Variants in PDLIM4 observed in about 807,000 individuals in gnomAD.
The protein encoded by PDLIM4 is PDZ and LIM domain protein 4.
PDLIM4 carries 19 observed loss-of-function variants against 31.3 expected under a neutral mutation model. The observed-to-expected ratio is 0.61, with a 90% CI of 0.42 to 0.89. The LOEUF (loss-of-function observed/expected upper bound fraction) is 0.89. PDLIM4 is among the 40% of genes least tolerant of loss of function. The pLI is 0.00. For synonymous variants in PDLIM4, 176 were observed against 190.1 expected (o/e 0.93, Z 0.61); for missense variants, 442 against 461.1 (o/e 0.96, Z 0.38).
rs1050744 is a variant in PDLIM4, at chr5:132,272,257, C to T, written c.*28C>T. On this transcript the variant is annotated 3_prime_UTR_variant, in exon 7 of 7. Transcript: ENST00000253754. ...TGGGACCCTGCTCCCACGCCTGCTT[C>T]TTAAGGTCCCTGCTCGGCCGGTGTA... is the stretch of plus-strand genomic sequence containing the variant. The T allele has an allele frequency of 2.6e-6, 4 of 1,557,294 alleles. No individual in the cohort carries two copies. Among genetic ancestry groups the T allele is most frequent in the Non-Finnish European group, 3.5e-6 (4 of 1,129,006 alleles).
At chr5:132,270,770 TGAGCACCACAGGCCA>T in intron 3 of PDLIM4, 130 bp from the exon 4 acceptor site, 1 of 714,788 alleles carries the variant, frequency 1.4e-6, no homozygotes, top group Non-Finnish European at 2.5e-6. Context: ...CTTCCCTGGC[TGAGCACCACAGGCCA>T]GAGATGCCGA....
At chr5:132,269,831 G>C (rs182321297) in intron 3 of PDLIM4, among the ~76,000 whole-genome samples, 36 of 152,290 alleles carry the variant, frequency 2.4e-4, no homozygotes, top group African/African-American at 8.7e-4. Context: ...CCTAAAATCA[G>C]GCTGCTCTGG....
chr5:132,266,716 C>T, intron 3 of PDLIM4, 171 bp downstream of exon 3: 1 of 500,162 alleles, frequency 2.0e-6, no homozygotes, highest in South Asian at 3.3e-5. Flanking sequence ...TCCCATGTTC[C>T]TCAGATGATG....
At chr5:132,259,795 C>T (rs947042459) in intron 1 of PDLIM4, among the ~76,000 whole-genome samples, 2 of 152,140 alleles carry the variant, frequency 1.3e-5, no homozygotes, top group African/African-American at 2.4e-5. Flanking sequence ...AATCTCAGCC[C>T]ATGAAGCCTC....
At chr5:132,259,730 A>G (rs2126669907) in intron 1 of PDLIM4, among the ~76,000 whole-genome samples, 1 of 152,260 alleles carries the variant, frequency 6.6e-6, no homozygotes, top group Non-Finnish European at 1.5e-5. Flanking sequence ...GTAGGGAGGG[A>G]CAGCCTCACA....
intron 2 of PDLIM4, among the ~76,000 whole-genome samples, chr5:132,264,995 A>G (rs528392810): frequency 1.3e-5 from 2 of 152,240 alleles, no homozygotes; most frequent in African/African-American, 4.8e-5. Context: ...AAAGCCAGGC[A>G]TCCAACAATC....
intron 1 of PDLIM4, among the ~76,000 whole-genome samples, chr5:132,258,601 G>T (rs1452294666): frequency 6.6e-6 from 1 of 152,156 alleles, no homozygotes; most frequent in East Asian, 1.9e-4. Context: ...CCCTGTTCGA[G>T]GGGGTGCCTG....
At chr5:132,266,438 T>C (rs778655773) in intron 2 of PDLIM4, 26 bp from the exon 3 acceptor site, 5 of 1,525,912 alleles carry the variant, frequency 3.3e-6, no homozygotes, top group Middle Eastern at 1.7e-4. Context: ...AGGAGACATA[T>C]CTGACCATCA....
chr5:132,271,944 A>G, intron 6 of PDLIM4, 36 bp downstream of exon 6: 2 of 1,588,942 alleles, frequency 1.3e-6, no homozygotes. Context: ...CCCGGACCCT[A>G]GCCTTCCAGG....
rs140355540 is a variant in PDLIM4 at position 132,272,172 on chromosome 5, G to A, written c.936G>A (p.Pro312=). ...GCCACGCCAAGGCGCGCGTGAAGCC[G>A]CCCGAGGGCTACGACGTGGTGGCGG... The part of the protein sequence containing the change: ...CESHAKARVK[P]PEGYDVVAVY... The change falls in exon 7 of 7, where the codon CCG becomes CCA. Residue 312 remains proline (P), a synonymous_variant. Coordinates refer to ENST00000253754, the MANE Select transcript of PDLIM4 (RefSeq NM_003687.4). 459 of 1,614,240 alleles carry A rather than the reference G, an allele frequency of 2.8e-4. 2 individuals carry two copies. Among genetic ancestry groups the A allele is most frequent in the African/African-American group, 2.7e-3 (200 of 75,078 alleles).
chr5:132,272,902 C>G lies in PDLIM4; in HGVS notation c.*673C>G, dbSNP rs1756662603. 1.3e-5 allele frequency: 2 copies of G among 152,714 alleles called. No homozygotes were observed. The highest frequency in any genetic ancestry group is 4.1e-4 in the South Asian group (2 of 4,846). The allele number at this position is 152,714 out of a possible 1,614,324, so 9.5% of individuals were successfully genotyped here. On this transcript the variant is annotated 3_prime_UTR_variant, in exon 7 of 7. Coordinates refer to ENST00000253754, the MANE Select transcript of PDLIM4 (RefSeq NM_003687.4). The stretch of plus-strand genomic sequence containing the variant: ...CTCCTCCGAGACCCCCTTTTCTTCC[C>G]CTTCCTCTCTCCCCCACCAGGGGGC...
intron 5 of PDLIM4, 162 bp downstream of exon 5, chr5:132,271,628 G>A: frequency 4.2e-6 from 4 of 941,290 alleles, no homozygotes; most frequent in Middle Eastern, 2.1e-4. Context: ...CTGGCTTCCC[G>A]ATTCCCTCTC....
In PDLIM4 at chr5:132,271,753, C is replaced by T. The variant is rs570134430; in HGVS notation, c.671-38C>T. 7.7e-5 allele frequency: 106 copies of T among 1,384,396 alleles called. No individual in the cohort carries two copies. In the South Asian group the frequency reaches 8.1e-4, roughly 11 times the overall value. The allele number at this position is 1,384,396 out of a possible 1,614,324, so 85.8% of individuals were successfully genotyped here. On this transcript the variant is annotated intron_variant, in intron 5 of 6. Coordinates refer to ENST00000253754, the MANE Select transcript of PDLIM4 (RefSeq NM_003687.4). ...CCCCGCAGAAATGGAGTTCTGACCT[C>T]CTCACCCCGTTCATGCCACCTACGC...
chr5:132,260,035 C>A (rs1756339587), intron 1 of PDLIM4, among the ~76,000 whole-genome samples: 3 of 152,214 alleles, frequency 2.0e-5, no homozygotes, highest in Admixed American at 2.0e-4. Flanking sequence ...AGTAAGGACT[C>A]CCTCTGGCCT....
chr5:132,262,087 A>G (rs1049289663), intron 1 of PDLIM4, among the ~76,000 whole-genome samples: 2 of 152,168 alleles, frequency 1.3e-5, no homozygotes, highest in East Asian at 1.9e-4. Context: ...TGAGCACCCC[A>G]TAGACATTCA....
At chr5:132,268,296 G>C (rs1452685244) in intron 3 of PDLIM4, among the ~76,000 whole-genome samples, 2 of 152,142 alleles carry the variant, frequency 1.3e-5, no homozygotes, top group East Asian at 3.9e-4. Context: ...CTGAGTCCTT[G>C]CTAACACAGA....
chr5:132,266,472 G>T lies in PDLIM4; in HGVS notation c.254G>T (p.Gly85Val), dbSNP rs2126676222. ...CACAATTTCTGCCACAGGCCTGAGG[G>T]TAGGAGCTGGCCCAGTGCCCCTGAT... ...HLTLSVSRPE[G>V]RSWPSAPDDS... The change falls in exon 3 of 7, where the codon GGT (glycine) becomes GTT (valine). Residue 85 changes from glycine to valine, a missense_variant. Coordinates refer to ENST00000253754, the MANE Select transcript of PDLIM4 (RefSeq NM_003687.4). 1 of 1,609,946 alleles carries T rather than the reference G, an allele frequency of 6.2e-7. No homozygotes were observed. The highest frequency in any genetic ancestry group is 2.2e-5 in the East Asian group (1 of 44,862).
intron 1 of PDLIM4, chr5:132,261,453 G>T (rs976495607): frequency 6.6e-6 from 1 of 152,264 alleles, no homozygotes; most frequent in Non-Finnish European, 1.5e-5. Flanking sequence ...TGGGCTTCCA[G>T]GAGTTCCCAC....
rs145687686 is a variant in PDLIM4 at position 132,271,403 on chromosome 5, G to C, written c.607G>C (p.Ala203Pro). The change falls in exon 5 of 7, where the codon GCG becomes CCG. Residue 203 changes from alanine to proline, a missense_variant. Transcript: ENST00000253754. ...MLREPAEPVA[A>P]EPKQSGSFRY... is the part of the protein sequence containing the mutation. The stretch of plus-strand genomic sequence containing the variant: ...GCGGGAGCCAGCCGAGCCCGTGGCC[G>C]CGGAGCCCAAGCAGTCAGGCTCCTT... 2 of 1,608,452 alleles carry C rather than the reference G, an allele frequency of 1.2e-6. No homozygotes were observed. Among genetic ancestry groups the C allele is most frequent in the East Asian group, 4.5e-5 (2 of 44,868 alleles).
Sources: allele counts gnomAD v4.1 joint callset (sites outside exome capture counted in the v4.1 genomes callset), GRCh38; gene constraint gnomAD v4.1.1; transcripts MANE v1.5; gene names NCBI Gene and HGNC (gene_info 2026-07-23, HGNC 2026-07-21).